MYOM1: variants seen among roughly 807,000 people sequenced by gnomAD.
MYOM1 encodes the protein myomesin 1, also known as myomesin-1.
In MYOM1, 164 loss-of-function variants were observed where a neutral mutation model predicts 205.3. The ratio of observed to expected loss-of-function variants is 0.80; its 90% CI spans 0.70 to 0.91. The LOEUF is 0.91. Ranked by LOEUF, MYOM1 falls within the 40% of genes least tolerant of loss-of-function variation. The pLI, the probability that MYOM1 is intolerant of heterozygous loss-of-function variation, is 0.00. For missense variants in MYOM1, 2,011 were observed against 2,127.3 expected (o/e 0.95, Z 1.08); for synonymous variants, 772 against 789.4 (o/e 0.98, Z 0.37).
Position 3,112,286 on chromosome 18 carries a change from G to A in MYOM1, c.3418+12C>T, listed in dbSNP as rs1416643829. 1 of 1,610,770 alleles carries A rather than the reference G, an allele frequency of 6.2e-7. No individual in the cohort carries two copies. Among genetic ancestry groups the A allele is most frequent in the Admixed American group, 1.7e-5 (1 of 59,970 alleles). ...AGATAGGATTAGTTTTAATGAAAAG[G>A]TGAAAGCCCACCTGGACGGGTCTCT... On this transcript the variant is annotated intron_variant, in intron 22 of 37. Transcript: ENST00000356443.
At chr18:3,182,660 C>A (rs1313455673) in intron 5 of MYOM1, among the ~76,000 whole-genome samples, 1 of 152,058 alleles carries the variant, frequency 6.6e-6, no homozygotes, top group Non-Finnish European at 1.5e-5. Context: ...TTCTTGGGTT[C>A]TTCCATATCC....
chr18:3,187,308 C>T (rs1285364625), intron 5 of MYOM1, among the ~76,000 whole-genome samples, 172 bp downstream of exon 5: 15 of 152,036 alleles, frequency 9.9e-5, no homozygotes, highest in Admixed American at 9.8e-4. Context: ...GTTTTTTCTT[C>T]CCATGCATAC....
Position 3,181,206 on chromosome 18 carries a change from A to T in MYOM1, c.930-5072T>A, listed in dbSNP as rs11081022. Among the ~76,000 whole-genome samples, 15 of 152,266 alleles carry T rather than the reference A, an allele frequency of 9.9e-5. No homozygotes were observed. In the East Asian group the frequency reaches 2.5e-3, roughly 25 times the overall value. ...CCCCCAAAGTGCTGGGATTACAGGC[A>T]TGAACCACCACGCCCGGCCAAAGAT... is the stretch of plus-strand genomic sequence containing the variant. On this transcript the variant is annotated intron_variant, in intron 5 of 37. Transcript: ENST00000356443.
chr18:3,151,489 A>AAAT (rs1329505013), intron 12 of MYOM1, among the ~76,000 whole-genome samples: 1 of 147,310 alleles, frequency 6.8e-6, no homozygotes, highest in African/African-American at 2.6e-5. Context: ...AAATAAAATA[A>AAAT]AATAAAATAA....
intron 2 of MYOM1, 106 bp from the exon 3 acceptor site, chr18:3,194,064 G>T: frequency 9.1e-7 from 1 of 1,104,692 alleles, no homozygotes; most frequent in Non-Finnish European, 1.3e-6. Flanking sequence ...CCAAATCCTA[G>T]ATCTCTAATG....
rs568505552 is a variant in MYOM1 at position 3,135,239 on chromosome 18, C to T, written c.2209+308G>A. 151 of 284,094 alleles carry T rather than the reference C, an allele frequency of 5.3e-4. 1 individual carries two copies. Among genetic ancestry groups the T allele is most frequent in the Middle Eastern group, 3.6e-3 (3 of 826 alleles). The allele number at this position is 284,094 out of a possible 1,614,324, so 17.6% of individuals were successfully genotyped here. On this transcript the variant is annotated intron_variant, in intron 15 of 37. Coordinates refer to ENST00000356443, the MANE Select transcript of MYOM1 (RefSeq NM_003803.4). The surrounding 1 kb of genome is among the most constrained non-coding windows in gnomAD (Gnocchi z 4.1). The stretch of plus-strand genomic sequence containing the variant: ...TGCTCAGATTACAGACATGAGCCAC[C>T]GCGCCTGGCCTACATTGTATTTTTT...
chr18:3,232,299 C>A, the MYOM1 span, among the ~76,000 whole-genome samples: 1 of 152,026 alleles, frequency 6.6e-6, no homozygotes, highest in South Asian at 2.1e-4. Context: ...CCTTGTACTC[C>A]AGCCTGGGCA....
rs1239772715 is a variant in MYOM1 at position 3,135,930 on chromosome 18, G to A, written c.2026-200C>T. Among the ~76,000 whole-genome samples, 6 of 152,130 alleles carry A rather than the reference G, an allele frequency of 3.9e-5. No homozygotes were observed. Among genetic ancestry groups the A allele is most frequent in the East Asian group, 3.8e-4 (2 of 5,198 alleles). ...CTAAATCAAACTTGGCTTTTGATAC[G>A]GTTTGGCTGTGTCCCTGCCCAAATC... On this transcript the variant is annotated intron_variant, in intron 14 of 37. Transcript: ENST00000356443. This position sits in a 1 kb window ranked among gnomAD's most constrained non-coding sequence, Gnocchi z 4.1.
In MYOM1 at chr18:3,187,568, T is replaced by C; in HGVS notation, c.841A>G (p.Ile281Val). ...DHLLHAPEFI[I>V]KPRSHTVWEK... ...CAAACCGTGTGGGAGCGAGGTTTAA[T>C]GATAAACTCAGGAGCATGGAGAAGA... Residue 281 changes from isoleucine to valine, a missense_variant, in exon 5 of 38, where the codon ATT becomes GTT. Transcript: ENST00000356443. The C allele has an allele frequency of 2.5e-6, 4 of 1,613,938 alleles. No homozygotes were observed. Among genetic ancestry groups the C allele is most frequent in the Non-Finnish European group, 3.4e-6 (4 of 1,179,838 alleles).
rs988293593 is a variant in MYOM1, at chr18:3,135,034, C to T, written c.2210-210G>A. On this transcript the variant is annotated intron_variant, in intron 15 of 37. Transcript: ENST00000356443. This position sits in a 1 kb window ranked among gnomAD's most constrained non-coding sequence, Gnocchi z 4.1. ...CGGGATCTCGGCTCACTGCAGCCCC[C>T]ACCTCCTGGGTTCAGGCAATTTTCC... The T allele has an allele frequency of 1.0e-5, 5 of 483,232 alleles. No homozygotes were observed. The highest frequency in any genetic ancestry group is 6.7e-5 in the Admixed American group (2 of 29,750). The allele number at this position is 483,232 out of a possible 1,614,324, so 29.9% of individuals were successfully genotyped here. A position where few individuals can be genotyped will look rare whatever the true frequency, so the allele number is the denominator to read the frequency against.
chr18:3,188,822 C>G lies in MYOM1; in HGVS notation c.697G>C (p.Glu233Gln). The change falls in exon 4 of 38, where the codon GAA becomes CAA. Residue 233 changes from glutamate to glutamine, a missense_variant. Physicochemically the swap from Glu to Gln is conservative, Grantham distance 29. Transcript: ENST00000356443. ...SKQATSALQQ[E>Q]ETSEKKSRKV... The stretch of plus-strand genomic sequence containing the variant: ...CTTGACTTCTTTTCAGAAGTTTCTT[C>G]CTGTTGAAGAGCGGATGTGGCCTGT... The G allele has an allele frequency of 6.2e-7, 1 of 1,610,482 alleles. No homozygotes were observed. The highest frequency in any genetic ancestry group is 2.2e-5 in the East Asian group (1 of 44,768).
At chr18:3,085,223 C>A in intron 30 of MYOM1, 91 bp from the exon 31 acceptor site, 1 of 231,938 alleles carries the variant, frequency 4.3e-6, no homozygotes, top group Non-Finnish European at 7.7e-6. Flanking sequence ...TCTTCTGCTG[C>A]TGCTGCTTTT....
chr18:3,090,980 G>C (rs2079218195), intron 26 of MYOM1, among the ~76,000 whole-genome samples, 178 bp from the exon 27 acceptor site: 2 of 152,084 alleles, frequency 1.3e-5, no homozygotes, highest in South Asian at 4.2e-4. Context: ...CCAGAAGTTT[G>C]AGAACAGCCT....
intron 33 of MYOM1, among the ~76,000 whole-genome samples, chr18:3,081,430 T>G (rs2079085365): frequency 6.6e-6 from 1 of 152,200 alleles, no homozygotes; most frequent in African/African-American, 2.4e-5. Flanking sequence ...ACCATCCTTA[T>G]CCCTGAATGT....
intron 13 of MYOM1, among the ~76,000 whole-genome samples, chr18:3,145,910 G>T (rs544563549): frequency 2.7e-4 from 41 of 152,072 alleles, no homozygotes; most frequent in African/African-American, 9.9e-4. Context: ...AGTAAAACAC[G>T]AATATTAGGA....
chr18:3,201,269 C>T (rs2081063449), intron 2 of MYOM1, among the ~76,000 whole-genome samples: 1 of 151,830 alleles, frequency 6.6e-6, no homozygotes, highest in Non-Finnish European at 1.5e-5. Context: ...CATGGTGGTG[C>T]ACTCCTGTAA....
intron 10 of MYOM1, among the ~76,000 whole-genome samples, chr18:3,158,652 G>A (rs2080336575): frequency 6.6e-6 from 1 of 151,572 alleles, no homozygotes; most frequent in Non-Finnish European, 1.5e-5. Flanking sequence ...CTCACTCTGT[G>A]GCCCAGGCTG....
At chr18:3,067,580 G>A in intron 37 of MYOM1, 25 bp from the exon 38 acceptor site, 2 of 1,599,604 alleles carry the variant, frequency 1.3e-6, no homozygotes, top group Middle Eastern at 3.5e-4. Flanking sequence ...TTATGGGAGA[G>A]AAGAAGATAA....
At chr18:3,127,305 A>ATATATATATTT (rs56880961) in intron 18 of MYOM1, among the ~76,000 whole-genome samples, 5 of 47,578 alleles carry the variant, frequency 1.1e-4, no homozygotes, top group African/African-American at 1.8e-4. Context: ...ATATATATAT[A>ATATATATATTT]TTTTTTTTTT....
Sources: allele counts gnomAD v4.1 joint callset (sites outside exome capture counted in the v4.1 genomes callset), GRCh38; gene constraint gnomAD v4.1.1; non-coding constraint Gnocchi (gnomAD v3.1); transcripts MANE v1.5; gene names NCBI Gene and HGNC (gene_info 2026-07-23, HGNC 2026-07-21).